The following TOP2B variants were observed in gnomAD, a reference collection of about 807,000 sequenced individuals.
The protein encoded by TOP2B is DNA topoisomerase 2-beta.
TOP2B carries 51 observed loss-of-function variants against 193.5 expected under a neutral mutation model. The observed-to-expected ratio is 0.26, with a 90% CI of 0.21 to 0.33. The LOEUF (loss-of-function observed/expected upper bound fraction) is 0.33. Ranked by LOEUF, TOP2B falls within the 10% of genes least tolerant of loss-of-function variation. The pLI, the probability that TOP2B is intolerant of heterozygous loss-of-function variation, is 1.00. For missense variants in TOP2B, 1,378 were observed against 1,909.3 expected (o/e 0.72, Z 5.19); for synonymous variants, 634 against 635.7 (o/e 1.00, Z 0.04).
At chr3:25,662,939 C>A (rs1167854962) in intron 1 of TOP2B, among the ~76,000 whole-genome samples, 2 of 152,218 alleles carry the variant, frequency 1.3e-5, no homozygotes, top group African/African-American at 4.8e-5. Context: ...ATGTGTCCAT[C>A]TCCTCCTTCT....
At chr3:25,659,099 T>A (rs769276497) in intron 1 of TOP2B, among the ~76,000 whole-genome samples, 10 of 152,150 alleles carry the variant, frequency 6.6e-5, no homozygotes, top group Non-Finnish European at 1.3e-4. Flanking sequence ...TCTTTTACCT[T>A]CTTCTGTACA....
intron 28 of TOP2B, among the ~76,000 whole-genome samples, chr3:25,610,170 C>G (rs1183767542): frequency 6.7e-6 from 1 of 149,612 alleles, no homozygotes; most frequent in East Asian, 2.0e-4. Context: ...GAAACAAAAG[C>G]GAAACTCTGT....
At chr3:25,606,263 A>G in intron 31 of TOP2B, 141 bp from the exon 32 acceptor site, 1 of 475,216 alleles carries the variant, frequency 2.1e-6, no homozygotes. Context: ...TTTCTCTGTT[A>G]AAGACAGGGT....
At chr3:25,628,712 A>G (rs1702875062) in intron 15 of TOP2B, 135 bp downstream of exon 15, 2 of 580,084 alleles carry the variant, frequency 3.4e-6, no homozygotes, top group African/African-American at 3.8e-5. Flanking sequence ...ACATTTTTCT[A>G]TAACAATACT....
chr3:25,640,119 A>C (rs1703214999), intron 4 of TOP2B, among the ~76,000 whole-genome samples: 1 of 152,212 alleles, frequency 6.6e-6, no homozygotes, highest in South Asian at 2.1e-4. Context: ...ACTGAAGCAA[A>C]AATTGCACCT....
At chr3:25,662,840 C>A (rs1339432520) in intron 1 of TOP2B, among the ~76,000 whole-genome samples, 1 of 152,160 alleles carries the variant, frequency 6.6e-6, no homozygotes, top group Admixed American at 6.5e-5. Context: ...ACTTACAATA[C>A]CATTTGGCTG....
chr3:25,612,805 G>C (rs1223836769), intron 27 of TOP2B, 96 bp from the exon 28 acceptor site: 2 of 891,106 alleles, frequency 2.2e-6, no homozygotes, highest in East Asian at 4.9e-5. Context: ...TATTCACTCA[G>C]TAAAGAATAA....
intron 33 of TOP2B, among the ~76,000 whole-genome samples, chr3:25,602,061 T>C (rs939064112): frequency 2.0e-5 from 3 of 152,074 alleles, no homozygotes; most frequent in Non-Finnish European, 4.4e-5. Context: ...TTTTGAAAAA[T>C]AGACCTTGTT....
In TOP2B at chr3:25,624,746, C is replaced by G; in HGVS notation, c.2282G>C (p.Arg761Pro). ...LFTCFKRNDK[R>P]EVKVAQLAGS... ...AGCCAACTGGGCAACTTTTACTTCA[C>G]GTTTATCATTCCTCTTGAAACAGGT... Residue 761 changes from arginine to proline, a missense_variant, in exon 19 of 36, where the codon CGT becomes CCT. Arg to Pro is a moderately radical substitution (Grantham distance 103). Transcript: ENST00000264331. 1 of 1,613,768 alleles carries G rather than the reference C, an allele frequency of 6.2e-7. No homozygotes were observed.
At position 25,598,201 on chromosome 3, in the gene TOP2B, T is replaced by C; in HGVS notation, c.*106A>G. 1 of 1,217,906 alleles carries C rather than the reference T, an allele frequency of 8.2e-7. No individual in the cohort carries two copies. Among genetic ancestry groups the C allele is most frequent in the Non-Finnish European group, 1.1e-6 (1 of 879,706 alleles). The allele number at this position is 1,217,906 out of a possible 1,614,324, so 75.4% of individuals were successfully genotyped here. On this transcript the variant is annotated 3_prime_UTR_variant, in exon 36 of 36. Coordinates refer to ENST00000264331, the MANE Select transcript of TOP2B (RefSeq NM_001330700.2). ...TACCACAATAATAAAAAACCGTCAA[T>C]TACATCATCACATTAAAATAAGCCA...
chr3:25,626,049 T>C (rs903353542), intron 18 of TOP2B, among the ~76,000 whole-genome samples: 1 of 151,610 alleles, frequency 6.6e-6, no homozygotes, highest in African/African-American at 2.4e-5. Context: ...ACAAACTTCA[T>C]AAAGGTTATG....
At chr3:25,618,376 T>C (rs1233213123) in intron 25 of TOP2B, 42 bp downstream of exon 25, 4 of 1,495,900 alleles carry the variant, frequency 2.7e-6, no homozygotes, top group Non-Finnish European at 3.7e-6. Flanking sequence ...TGGAAGTTGC[T>C]TTTAAAAGCT....
chr3:25,604,886 C>T lies in TOP2B; in HGVS notation c.4379-16G>A, dbSNP rs1246840848. On this transcript the variant is annotated splice_polypyrimidine_tract_variant and intron_variant, in intron 32 of 35. Transcript: ENST00000264331. ...TTAGCTGAATCTAAAAATTGCAAAGCCTTCTTTTAGTAAAGAGATGTTATA... is the reference window on the plus strand; with the variant it reads ...TTAGCTGAATCTAAAAATTGCAAAGTCTTCTTTTAGTAAAGAGATGTTATA... 6.9e-6 allele frequency: 11 copies of T among 1,583,794 alleles called. No individual in the cohort carries two copies. The highest frequency in any genetic ancestry group is 8.7e-6 in the Non-Finnish European group (10 of 1,154,718).
intron 16 of TOP2B, 57 bp from the exon 17 acceptor site, chr3:25,626,921 A>C: frequency 9.2e-7 from 1 of 1,090,254 alleles, no homozygotes; most frequent in East Asian, 2.6e-5. Context: ...TTTTATTACA[A>C]AATTAAAATG....
chr3:25,607,230 T>C lies in TOP2B; in HGVS notation c.4239A>G (p.Ser1413=). Residue 1413 remains serine (S), a synonymous_variant, in exon 31 of 36, where the codon TCA becomes TCG. Transcript: ENST00000264331. ...TNDGEDEFVP[S]DGLDKDEYTF... ...TATATTCATCTTTATCTAACCCATC[T>C]GAAGGAACAAATTCATCTTCCCCAT... 1 of 1,609,520 alleles carries C rather than the reference T, an allele frequency of 6.2e-7. No individual in the cohort carries two copies. The highest frequency in any genetic ancestry group is 8.5e-7 in the Non-Finnish European group (1 of 1,177,426).
chr3:25,642,657 A>G (rs1480131191), intron 3 of TOP2B, among the ~76,000 whole-genome samples: 1 of 152,162 alleles, frequency 6.6e-6, no homozygotes, highest in African/African-American at 2.4e-5. Flanking sequence ...ATTAAGTAAG[A>G]ACAAACACCT....
At chr3:25,653,376 T>C (rs563264665) in intron 1 of TOP2B, among the ~76,000 whole-genome samples, 35 of 151,658 alleles carry the variant, frequency 2.3e-4, no homozygotes, top group African/African-American at 8.2e-4. Context: ...CCCCCAAAAA[T>C]ACTGGCAAAC....
intron 33 of TOP2B, 125 bp downstream of exon 33, chr3:25,604,635 T>C (rs1208395022): frequency 6.7e-6 from 5 of 743,968 alleles, no homozygotes; most frequent in Non-Finnish European, 8.5e-6. Context: ...GTTCTCCTTA[T>C]AAGCACTTAT....
At chr3:25,605,244 G>A (rs1223599471) in intron 32 of TOP2B, among the ~76,000 whole-genome samples, 17 of 152,090 alleles carry the variant, frequency 1.1e-4, no homozygotes, top group Admixed American at 1.0e-3. Flanking sequence ...AACCATTTCA[G>A]GAATATCAGT....
Sources: gnomAD v4.1 joint callset for allele counts (sites outside exome capture counted in the v4.1 genomes callset) on GRCh38, gnomAD v4.1.1 for gene constraint, MANE v1.5 for transcripts, NCBI Gene and HGNC (gene_info 2026-07-23, HGNC 2026-07-21) for gene names.